Variants in SIX4 observed in about 807,000 individuals in gnomAD.
The protein encoded by SIX4 is SIX homeobox 4.
In SIX4, 23 loss-of-function variants were observed where a neutral mutation model predicts 51.5. The ratio of observed to expected loss-of-function variants is 0.45; its 90% CI spans 0.32 to 0.63. SIX4 has a LOEUF of 0.63. Among genes scored for constraint, SIX4 ranks in the 30% least tolerant of loss-of-function variants. SIX4 has a pLI of 0.04. For missense variants in SIX4, 867 were observed against 984.0 expected (o/e 0.88, Z 1.59); for synonymous variants, 413 against 417.3 (o/e 0.99, Z 0.13).
intron 2 of SIX4, among the ~76,000 whole-genome samples, chr14:60,716,306 G>C (rs1359284887): frequency 1.3e-5 from 2 of 151,966 alleles, no homozygotes; most frequent in African/African-American, 4.8e-5. Flanking sequence ...AGGCTGGAGT[G>C]CGGTGGTGCA....
At position 60,714,010 on chromosome 14, in the gene SIX4, C is replaced by T. The variant is rs1895872192; in HGVS notation, c.1743G>A (p.Leu581=). Residue 581 remains leucine (L), a synonymous_variant, in exon 3 of 3, where the codon TTG becomes TTA. Transcript: ENST00000216513. ...GLERSLVFSQ[L]MPVNQNAQVN... ...CTTGTGCATTCTGATTGACAGGCAT[C>T]AACTGAGAAAATACCAGGCTCCTTT... 6.2e-7 allele frequency: 1 copy of T among 1,614,050 alleles called. No homozygotes were observed. The highest frequency in any genetic ancestry group is 8.5e-7 in the Non-Finnish European group (1 of 1,179,998).
rs181578238 is a variant in SIX4 at position 60,712,606 on chromosome 14, A to G, written c.*801T>C. On this transcript the variant is annotated 3_prime_UTR_variant, in exon 3 of 3. Coordinates refer to ENST00000216513, the MANE Select transcript of SIX4 (RefSeq NM_017420.5). ...TATTTTTAAAATCCTACAAAAAGTA[A>G]AACTTTGTTGGAAACGACTATGTTC... 2 of 152,712 alleles carry G rather than the reference A, an allele frequency of 1.3e-5. No homozygotes were observed. The highest frequency in any genetic ancestry group is 1.3e-4 in the Admixed American group (2 of 15,298). The allele number at this position is 152,712 out of a possible 1,614,324, so 9.5% of individuals were successfully genotyped here.
rs568816264 is a variant in SIX4, at chr14:60,723,769, C to CGCG, written c.303_305dup (p.Ala102dup). 3.7e-4 allele frequency: 562 copies of CGCG among 1,538,458 alleles called. 1 individual carries two copies. In the African/African-American group the frequency reaches 5.2e-3, roughly 14 times the overall value. On this transcript the variant is annotated inframe_insertion, in exon 1 of 3. Transcript: ENST00000216513. ...CGGGCGAGAAGGCCAGCGGGGTCTG[C>CGCG]GCGGCGGCGGCGGCGGCGTGGTGGT...
In SIX4 at chr14:60,720,761, T is replaced by C. The variant is rs541564843; in HGVS notation, c.864-316A>G. Among the ~76,000 whole-genome samples the C allele has an allele frequency of 2.1e-4, 32 of 152,318 alleles. No individual in the cohort carries two copies. Among genetic ancestry groups the C allele is most frequent in the Non-Finnish European group, 3.4e-4 (23 of 68,030 alleles). Reference sequence around the variant, plus strand: ...ATTTGATTTTACAGTGTAGAAGTGCTATTCCTTACTGTTACATATGCTGCT... The same window carrying C: ...ATTTGATTTTACAGTGTAGAAGTGCCATTCCTTACTGTTACATATGCTGCT... On this transcript the variant is annotated intron_variant, in intron 1 of 2. Transcript: ENST00000216513. The surrounding 1 kb of genome is among the most constrained non-coding windows in gnomAD (Gnocchi z 5.5).
chr14:60,715,798 T>A (rs1895911065), intron 2 of SIX4, among the ~76,000 whole-genome samples: 3 of 152,118 alleles, frequency 2.0e-5, no homozygotes, highest in Admixed American at 2.0e-4. Context: ...ATATGGTCAC[T>A]GAAGGAAAGG....
intron 2 of SIX4, 66 bp from the exon 3 acceptor site, chr14:60,714,269 A>T: frequency 7.1e-7 from 1 of 1,401,220 alleles, no homozygotes; most frequent in African/African-American, 1.5e-5. Flanking sequence ...AGTTACACAC[A>T]CGTTTTTTTC....
Position 60,724,329 on chromosome 14 carries a change from C to A in SIX4, c.-255G>T. 1 of 1,478,874 alleles carries A rather than the reference C, an allele frequency of 6.8e-7. No homozygotes were observed. Among genetic ancestry groups the A allele is most frequent in the Non-Finnish European group, 9.0e-7 (1 of 1,110,086 alleles). 91.6% of individuals were successfully genotyped at this position (1,478,874 alleles called of 1,614,324 possible). A position where few individuals can be genotyped will look rare whatever the true frequency, so the allele number is the denominator to read the frequency against. On this transcript the variant is annotated 5_prime_UTR_variant, in exon 1 of 3. An upstream open reading frame in the 5' UTR gains an earlier in-frame stop. Transcript: ENST00000216513. ...CTGCCGTTCCCCCAACGTGACTCCT[C>A]CGGTTGCTGCATACTATATGGCAGT...
At chr14:60,714,317 C>A (rs1023315826) in intron 2 of SIX4, 114 bp from the exon 3 acceptor site, 3 of 910,470 alleles carry the variant, frequency 3.3e-6, no homozygotes, top group Non-Finnish European at 4.8e-6. Context: ...CACTTCCATA[C>A]AATCATTTAG....
rs753978471 is a variant in SIX4, at chr14:60,723,620, C to T, written c.455G>A (p.Arg152Gln). The T allele has an allele frequency of 1.2e-6, 2 of 1,607,580 alleles. No individual in the cohort carries two copies. Among genetic ancestry groups the T allele is most frequent in the South Asian group, 1.1e-5 (1 of 90,280 alleles). The change falls in exon 1 of 3, where the codon CGG (arginine) becomes CAG (glutamine). Residue 152 changes from arginine to glutamine, a missense_variant. By Grantham distance (43) the Arg-to-Gln change is conservative. Transcript: ENST00000216513. Reference sequence around the variant, plus strand: ...GCCCTGGTGGAAGGCCACGAGCGCCCGCGCCTTCAGCAGGCTCTCGTTGCC... The same window carrying T: ...GCCCTGGTGGAAGGCCACGAGCGCCTGCGCCTTCAGCAGGCTCTCGTTGCC... ...LRGNESLLKA[R>Q]ALVAFHQGIY...
In SIX4 at chr14:60,713,996, T is replaced by G; in HGVS notation, c.1757A>C (p.Gln586Pro). 6.2e-7 allele frequency: 1 copy of G among 1,614,194 alleles called. No homozygotes were observed. Among genetic ancestry groups the G allele is most frequent in the Non-Finnish European group, 8.5e-7 (1 of 1,180,022 alleles). Residue 586 changes from glutamine to proline, a missense_variant, in exon 3 of 3, where the codon CAG (glutamine) becomes CCG (proline). By Grantham distance (76) the Gln-to-Pro change is moderately conservative. Transcript: ENST00000216513. ...CAGGTTTGCATTTACTTGTGCATTC[T>G]GATTGACAGGCATCAACTGAGAAAA... ...LVFSQLMPVN[Q>P]NAQVNANLSS...
rs1895806588 is a variant in SIX4 at position 60,710,869 on chromosome 14, C to A, written c.*2538G>T. On this transcript the variant is annotated 3_prime_UTR_variant, in exon 3 of 3. Transcript: ENST00000216513. ...AGTAATTGTAGGGTTATAATTACAT[C>A]ATGGTGGGAATATGAATGGGTTTCC... 1 of 152,462 alleles carries A rather than the reference C, an allele frequency of 6.6e-6. No individual in the cohort carries two copies. The highest frequency in any genetic ancestry group is 2.4e-5 in the African/African-American group (1 of 41,400). The allele number at this position is 152,462 out of a possible 1,614,324, so 9.4% of individuals were successfully genotyped here.
rs895949714 is a variant in SIX4, at chr14:60,712,715, A to G, written c.*692T>C. ...ATAGCGCCTGAAGAGAAACATATAC[A>G]TTAAAAATAAAATTCACTGTAATTA... is the stretch of plus-strand genomic sequence containing the variant. On this transcript the variant is annotated 3_prime_UTR_variant, in exon 3 of 3. Coordinates refer to ENST00000216513, the MANE Select transcript of SIX4 (RefSeq NM_017420.5). 2 of 152,614 alleles carry G rather than the reference A, an allele frequency of 1.3e-5. No individual in the cohort carries two copies. Among genetic ancestry groups the G allele is most frequent in the Non-Finnish European group, 2.9e-5 (2 of 68,022 alleles). 9.5% of individuals were successfully genotyped at this position (152,614 alleles called of 1,614,324 possible). A position where few individuals can be genotyped will look rare whatever the true frequency, so the allele number is the denominator to read the frequency against.
Position 60,720,081 on chromosome 14 carries a change from T to A in SIX4, c.1228A>T (p.Ile410Leu). ...ACGTCCTGGGAAGTAGACCCCAGTA[T>A]GTCAGTCATGGATATACCATTGCTC... ...IVSNGISMTD[I>L]LGSTSQDVKE... The change falls in exon 2 of 3, where the codon ATA (isoleucine) becomes TTA (leucine). Residue 410 changes from isoleucine to leucine, a missense_variant. Transcript: ENST00000216513. This position sits in a 1 kb window ranked among gnomAD's most constrained non-coding sequence, Gnocchi z 5.5. 6.2e-7 allele frequency: 1 copy of A among 1,614,268 alleles called. No individual in the cohort carries two copies. Among genetic ancestry groups the A allele is most frequent in the African/African-American group, 1.3e-5 (1 of 75,070 alleles).
Position 60,710,693 on chromosome 14 carries a change from T to C in SIX4, c.*2714A>G, listed in dbSNP as rs1403620165. The C allele has an allele frequency of 6.6e-6, 1 of 152,612 alleles. No homozygotes were observed. The highest frequency in any genetic ancestry group is 1.5e-5 in the Non-Finnish European group (1 of 68,040). The allele number at this position is 152,612 out of a possible 1,614,324, so 9.5% of individuals were successfully genotyped here. A position where few individuals can be genotyped will look rare whatever the true frequency, so the allele number is the denominator to read the frequency against. Reference sequence around the variant, plus strand: ...ATGGCAAAAGACATTTGCAATTCTGTGCAAGGAGATCATGGGGTTTATCTT... The same window carrying C: ...ATGGCAAAAGACATTTGCAATTCTGCGCAAGGAGATCATGGGGTTTATCTT... On this transcript the variant is annotated 3_prime_UTR_variant, in exon 3 of 3. Coordinates refer to ENST00000216513, the MANE Select transcript of SIX4 (RefSeq NM_017420.5).
In SIX4 at chr14:60,712,018, A is replaced by C. The variant is rs2140265002; in HGVS notation, c.*1389T>G. 6.5e-6 allele frequency: 1 copy of C among 152,728 alleles called. No individual in the cohort carries two copies. Among genetic ancestry groups the C allele is most frequent in the East Asian group, 1.9e-4 (1 of 5,188 alleles). 9.5% of individuals were successfully genotyped at this position (152,728 alleles called of 1,614,324 possible). ...CAAGCTTCTTACAGAAACCAAAAAT[A>C]TTTACTTTTAAAGAAGACATGATAA... On this transcript the variant is annotated 3_prime_UTR_variant, in exon 3 of 3. Transcript: ENST00000216513.
rs1896069316 is a variant in SIX4 at position 60,723,370 on chromosome 14, G to C, written c.705C>G (p.Arg235=). 1 of 1,612,116 alleles carries C rather than the reference G, an allele frequency of 6.2e-7. No individual in the cohort carries two copies. Reference sequence around the variant, plus strand: ...GCTTGTAGAGCTCCTTGAGCGCGTTGCGCGACTTCTCCTTGAAACAATACA... The same window carrying C: ...GCTTGTAGAGCTCCTTGAGCGCGTTCCGCGACTTCTCCTTGAAACAATACA... ...ETVYCFKEKS[R]NALKELYKQN... Residue 235 remains arginine, a synonymous_variant, in exon 1 of 3, where the codon CGC becomes CGG. Coordinates refer to ENST00000216513, the MANE Select transcript of SIX4 (RefSeq NM_017420.5).
At position 60,713,185 on chromosome 14, in the gene SIX4, T is replaced by TAA; in HGVS notation, c.*221_*222insTT. 2.2e-6 allele frequency: 1 copy of TAA among 458,438 alleles called. No homozygotes were observed. The highest frequency in any genetic ancestry group is 3.8e-6 in the Non-Finnish European group (1 of 263,820). 28.4% of individuals were successfully genotyped at this position (458,438 alleles called of 1,614,324 possible). On this transcript the variant is annotated 3_prime_UTR_variant, in exon 3 of 3. Coordinates refer to ENST00000216513, the MANE Select transcript of SIX4 (RefSeq NM_017420.5). Reference sequence around the variant, plus strand: ...TCACCTTGTCCTTTGTCTCCATCTATTTAAAAGAGAAATTTATAAGTGAAC... The same window carrying TAA: ...TCACCTTGTCCTTTGTCTCCATCTATAATTAAAAGAGAAATTTATAAGTGAAC...
chr14:60,713,675 TCA>T lies in SIX4; in HGVS notation c.2076_2077del (p.Glu693ArgfsTer27). 6.2e-7 allele frequency: 1 copy of T among 1,614,204 alleles called. No homozygotes were observed. The highest frequency in any genetic ancestry group is 8.5e-7 in the Non-Finnish European group (1 of 1,180,034). ...TGGGGAGGGGTGACCTACCTGATCT[TCA>T]GCTGTAGGAACTATTTCCCCAAGGG... On this transcript the variant is annotated frameshift_variant, in exon 3 of 3. Coordinates refer to ENST00000216513, the MANE Select transcript of SIX4 (RefSeq NM_017420.5). LOFTEE classifies it high-confidence loss of function.
Position 60,711,919 on chromosome 14 carries a change from A to G in SIX4, c.*1488T>C, listed in dbSNP as rs900905290. 1 of 152,620 alleles carries G rather than the reference A, an allele frequency of 6.6e-6. No individual in the cohort carries two copies. The highest frequency in any genetic ancestry group is 1.5e-5 in the Non-Finnish European group (1 of 68,042). The allele number at this position is 152,620 out of a possible 1,614,324, so 9.5% of individuals were successfully genotyped here. On this transcript the variant is annotated 3_prime_UTR_variant, in exon 3 of 3. Coordinates refer to ENST00000216513, the MANE Select transcript of SIX4 (RefSeq NM_017420.5). ...AGAGAGCAACTTTACTCACTACATA[A>G]ATTTATTTGCATTGTTACATCTTGT...
Sources: gnomAD v4.1 joint callset for allele counts (sites outside exome capture counted in the v4.1 genomes callset) on GRCh38, gnomAD v4.1.1 for gene constraint, Gnocchi (gnomAD v3.1) non-coding constraint, MANE v1.5 for transcripts, NCBI Gene and HGNC (gene_info 2026-07-23, HGNC 2026-07-21) for gene names.